Variants in SH3RF1 observed in about 807,000 individuals in gnomAD.
SH3RF1 encodes E3 ubiquitin-protein ligase SH3RF1.
A neutral mutation model predicts 74.0 loss-of-function variants in SH3RF1; 32 were observed. The observed-to-expected ratio is 0.43, with a 90% CI of 0.33 to 0.58. The LOEUF (loss-of-function observed/expected upper bound fraction) is 0.58, where lower values mean the gene tolerates loss of function less well. SH3RF1 is among the 20% of genes least tolerant of loss of function. SH3RF1 has a pLI of 0.05. For synonymous variants in SH3RF1, 396 were observed against 439.6 expected (o/e 0.90, Z 1.24); for missense variants, 954 against 1,130.9 (o/e 0.84, Z 2.24).
intron 2 of SH3RF1, among the ~76,000 whole-genome samples, chr4:169,187,169 G>A (rs890516158): frequency 6.6e-6 from 1 of 152,148 alleles, no homozygotes; most frequent in Admixed American, 6.5e-5. Context: ...AAATTAGCTT[G>A]CTTATATAGT....
intron 2 of SH3RF1, among the ~76,000 whole-genome samples, chr4:169,200,142 T>A (rs1734884893): frequency 6.6e-6 from 1 of 152,190 alleles, no homozygotes; most frequent in African/African-American, 2.4e-5. Flanking sequence ...TCTATTAAAA[T>A]AGCCTCAAAT....
At chr4:169,135,982 A>G (rs756266588) in intron 5 of SH3RF1, among the ~76,000 whole-genome samples, 8 of 152,208 alleles carry the variant, frequency 5.3e-5, no homozygotes, top group Non-Finnish European at 1.0e-4. Context: ...ATAAAGTTTT[A>G]GTTGGCAAGA....
At chr4:169,202,879 C>T (rs1001158568) in intron 2 of SH3RF1, among the ~76,000 whole-genome samples, 6 of 152,114 alleles carry the variant, frequency 3.9e-5, no homozygotes, top group African/African-American at 1.4e-4. Context: ...AAAAAACTGG[C>T]AATTGTGTGC....
intron 2 of SH3RF1, among the ~76,000 whole-genome samples, chr4:169,224,946 C>A (rs547551715): frequency 6.6e-6 from 1 of 152,330 alleles, no homozygotes; most frequent in East Asian, 1.9e-4. Context: ...CATTCTGTAA[C>A]AGGGTGCCCA....
At chr4:169,257,083 GA>G (rs1731203889) in intron 2 of SH3RF1, among the ~76,000 whole-genome samples, 1 of 152,166 alleles carries the variant, frequency 6.6e-6, no homozygotes. Context: ...TACAAATGAA[GA>G]AATTAGGTAA....
At chr4:169,160,478 C>T (rs775794015) in intron 2 of SH3RF1, among the ~76,000 whole-genome samples, 12 of 152,288 alleles carry the variant, frequency 7.9e-5, no homozygotes, top group African/African-American at 2.6e-4. Flanking sequence ...GTTACATTTC[C>T]GTGATGCAAC....
chr4:169,137,777 C>T (rs1003927413), intron 4 of SH3RF1, among the ~76,000 whole-genome samples: 3 of 152,220 alleles, frequency 2.0e-5, no homozygotes, highest in Non-Finnish European at 2.9e-5. Context: ...ACAACCGCTT[C>T]CTCACAAAGC....
At chr4:169,214,681 G>GTGTA (rs1356649735) in intron 2 of SH3RF1, among the ~76,000 whole-genome samples, 2 of 151,992 alleles carry the variant, frequency 1.3e-5, no homozygotes, top group Non-Finnish European at 2.9e-5. Context: ...CCATATATAT[G>GTGTA]TGTATATATA....
At position 169,125,183 on chromosome 4, in the gene SH3RF1, G is replaced by GAGC. The variant is rs1400591887; in HGVS notation, c.1180-2920_1180-2918dup. Among the ~76,000 whole-genome samples, 6 of 152,248 alleles carry GAGC rather than the reference G, an allele frequency of 3.9e-5. No individual in the cohort carries two copies. In the East Asian group the frequency reaches 1.2e-3, roughly 29 times the overall value. On this transcript the variant is annotated intron_variant, in intron 6 of 11. Transcript: ENST00000284637. ...AAGAGACAGTGTTACATCACTGAAGGAGCATGGCCTTTGGGGTCAAAAAAA... is the reference window on the plus strand; with the variant it reads ...AAGAGACAGTGTTACATCACTGAAGGAGCAGCATGGCCTTTGGGGTCAAAAAAA...
chr4:169,099,309 G>A (rs905217993), intron 11 of SH3RF1, among the ~76,000 whole-genome samples: 1 of 152,198 alleles, frequency 6.6e-6, no homozygotes, highest in Non-Finnish European at 1.5e-5. Flanking sequence ...GGCTGGTCTT[G>A]AACTCCTTGG....
At chr4:169,241,692 A>T (rs1730913574) in intron 2 of SH3RF1, among the ~76,000 whole-genome samples, 1 of 152,212 alleles carries the variant, frequency 6.6e-6, no homozygotes, top group Non-Finnish European at 1.5e-5. Flanking sequence ...AATGAAAAAT[A>T]AAAAACACAG....
chr4:169,182,707 T>C (rs765858139), intron 2 of SH3RF1, among the ~76,000 whole-genome samples: 10 of 152,158 alleles, frequency 6.6e-5, no homozygotes, highest in Non-Finnish European at 1.0e-4. Context: ...GCAGGCTTTA[T>C]TGCAAGAAAA....
intron 6 of SH3RF1, among the ~76,000 whole-genome samples, chr4:169,129,801 A>C (rs1456596222): frequency 6.6e-6 from 1 of 152,230 alleles, no homozygotes; most frequent in Non-Finnish European, 1.5e-5. Flanking sequence ...ATGAAAATTA[A>C]ATGTATTTTT....
At chr4:169,178,818 A>G (rs963167877) in intron 2 of SH3RF1, among the ~76,000 whole-genome samples, 5 of 152,218 alleles carry the variant, frequency 3.3e-5, no homozygotes, top group African/African-American at 1.2e-4. Context: ...CCAGATCAAC[A>G]CAAACTGCTC....
chr4:169,168,006 G>A (rs1734273982), intron 2 of SH3RF1, among the ~76,000 whole-genome samples: 1 of 152,100 alleles, frequency 6.6e-6, no homozygotes, highest in Non-Finnish European at 1.5e-5. Context: ...TGGGCATGGT[G>A]GGACAGGCCT....
intron 7 of SH3RF1, among the ~76,000 whole-genome samples, chr4:169,121,689 A>G (rs1733437927): frequency 1.3e-5 from 2 of 152,246 alleles, no homozygotes; most frequent in Admixed American, 6.5e-5. Flanking sequence ...GTATTCTGCC[A>G]TAAATAAACT....
chr4:169,182,773 T>A (rs1014007676), intron 2 of SH3RF1, among the ~76,000 whole-genome samples: 1 of 152,072 alleles, frequency 6.6e-6, no homozygotes, highest in Admixed American at 6.6e-5. Flanking sequence ...TATCCAGATA[T>A]GAGAATAATT....
chr4:169,102,685 C>T (rs1454512420), intron 11 of SH3RF1, among the ~76,000 whole-genome samples: 2 of 151,986 alleles, frequency 1.3e-5, no homozygotes, highest in Non-Finnish European at 1.5e-5. Context: ...CTGCTGTCAT[C>T]AATTATACAT....
At chr4:169,152,563 C>T (rs1733992225) in intron 4 of SH3RF1, among the ~76,000 whole-genome samples, 1 of 152,120 alleles carries the variant, frequency 6.6e-6, no homozygotes, top group African/African-American at 2.4e-5. Context: ...CATGGTGAAA[C>T]CCCGTCTCTA....
Sources: allele counts gnomAD v4.1 joint callset (sites outside exome capture counted in the v4.1 genomes callset), GRCh38; gene constraint gnomAD v4.1.1; transcripts MANE v1.5; gene names NCBI Gene and HGNC (gene_info 2026-07-23, HGNC 2026-07-21).